The following KCND3 variants were observed in gnomAD, a reference collection of about 807,000 sequenced individuals.
KCND3 encodes the protein A-type voltage-gated potassium channel KCND3.
A neutral mutation model predicts 51.1 loss-of-function variants in KCND3; 9 were observed. The observed-to-expected ratio is 0.18, with a 90% CI of 0.11 to 0.31. The LOEUF is 0.31. Among genes scored for constraint, KCND3 ranks in the 10% least tolerant of loss-of-function variants. KCND3 has a pLI of 1.00. For synonymous variants in KCND3, 349 were observed against 368.0 expected (o/e 0.95, Z 0.59); for missense variants, 526 against 903.8 (o/e 0.58, Z 5.36).
At chr1:111,964,999 C>A (rs1246433547) in intron 2 of KCND3, among the ~76,000 whole-genome samples, 1 of 152,124 alleles carries the variant, frequency 6.6e-6, no homozygotes, top group Non-Finnish European at 1.5e-5. Flanking sequence ...GTTTGTTGAG[C>A]GGATAAAGGA....
At chr1:111,909,568 G>A (rs939719035) in intron 2 of KCND3, 1 of 152,208 alleles carries the variant, frequency 6.6e-6, no homozygotes, top group South Asian at 2.1e-4. Context: ...GGATATATGG[G>A]AGTTAGTTCT....
At chr1:111,988,624 C>G (rs1248010338) in intron 1 of KCND3, 1 of 152,210 alleles carries the variant, frequency 6.6e-6, no homozygotes. Context: ...GTAAACAAGG[C>G]ATACATTTGA....
intron 5 of KCND3, among the ~76,000 whole-genome samples, chr1:111,779,759 C>G (rs927344989): frequency 1.3e-5 from 2 of 152,184 alleles, no homozygotes; most frequent in Admixed American, 1.3e-4. Flanking sequence ...CATGCACTAC[C>G]TCCTTCACAC....
intron 2 of KCND3, among the ~76,000 whole-genome samples, chr1:111,795,004 A>G (rs1557941188): frequency 6.6e-6 from 1 of 152,198 alleles, no homozygotes; most frequent in African/African-American, 2.4e-5. Context: ...GGGAGCCAAC[A>G]TGGAAGGCAG....
At chr1:111,838,580 C>T (rs1667179266) in intron 2 of KCND3, among the ~76,000 whole-genome samples, 1 of 152,038 alleles carries the variant, frequency 6.6e-6, no homozygotes, top group African/African-American at 2.4e-5. Context: ...TGGCTTGAAC[C>T]TGGGAGGCGG....
chr1:111,951,157 C>CAAAAAAAAAAA (rs71081206), intron 2 of KCND3, among the ~76,000 whole-genome samples: 4 of 30,638 alleles, frequency 1.3e-4, no homozygotes, highest in Non-Finnish European at 3.2e-4. Flanking sequence ...CAAACAAGAG[C>CAAAAAAAAAAA]AAAAAAAAAA....
chr1:111,827,220 A>G (rs182393544), intron 2 of KCND3, among the ~76,000 whole-genome samples: 10 of 152,366 alleles, frequency 6.6e-5, no homozygotes, highest in African/African-American at 2.2e-4. Flanking sequence ...GTATGTTGCT[A>G]TGAGAACAGA....
chr1:111,972,594 T>A (rs1196872485), intron 2 of KCND3, among the ~76,000 whole-genome samples: 1 of 152,246 alleles, frequency 6.6e-6, no homozygotes, highest in Non-Finnish European at 1.5e-5. Context: ...TCACCATTGT[T>A]GGTCTAGCTA....
intron 2 of KCND3, among the ~76,000 whole-genome samples, chr1:111,967,057 T>C (rs1469552612): frequency 6.6e-6 from 1 of 151,430 alleles, no homozygotes; most frequent in Non-Finnish European, 1.5e-5. Context: ...GGAGAATCGC[T>C]TGAGCCCAGG....
chr1:111,928,219 G>A (rs751767230), intron 2 of KCND3, among the ~76,000 whole-genome samples: 14 of 152,116 alleles, frequency 9.2e-5, no homozygotes, highest in Non-Finnish European at 1.9e-4. Flanking sequence ...AGTGTCTGTC[G>A]CATAGGAGCT....
At chr1:111,965,486 A>ACACACACACACACACACACACACACACC (rs1239593623) in intron 2 of KCND3, among the ~76,000 whole-genome samples, 1 of 147,920 alleles carries the variant, frequency 6.8e-6, no homozygotes, top group Non-Finnish European at 1.5e-5. Flanking sequence ...ACACACACAC[A>ACACACACACACACACACACACACACACC]CACGCCAGGA....
At position 111,982,757 on chromosome 1, in the gene KCND3, G is replaced by C; in HGVS notation, c.-31C>G. Reference sequence around the variant, plus strand: ...CTCCAGCTCTTGGGCCGGCAGCCGCGCGGACGCTAGGCACACCAGCTTGGA... The same window carrying C: ...CTCCAGCTCTTGGGCCGGCAGCCGCCCGGACGCTAGGCACACCAGCTTGGA... On this transcript the variant is annotated 5_prime_UTR_variant, in exon 2 of 8. Transcript: ENST00000302127. This position sits in a 1 kb window ranked among gnomAD's most constrained non-coding sequence, Gnocchi z 8.5. 1 of 1,583,602 alleles carries C rather than the reference G, an allele frequency of 6.3e-7. No homozygotes were observed. The highest frequency in any genetic ancestry group is 8.5e-7 in the Non-Finnish European group (1 of 1,171,938).
Position 111,777,174 on chromosome 1 carries a change from G to A in KCND3, c.1618C>T (p.Pro540Ser). 2 of 1,614,172 alleles carry A rather than the reference G, an allele frequency of 1.2e-6. No individual in the cohort carries two copies. Among genetic ancestry groups the A allele is most frequent in the Non-Finnish European group, 1.7e-6 (2 of 1,180,030 alleles). ...GAGCAGCAGGTGGTAGTGAGGCCTG[G>A]GTGGCTGGACAGTGAGGGACTTCTT... is the stretch of plus-strand genomic sequence containing the variant. ...STRSPSLSSH[P>S]GLTTTCCSRR... Residue 540 changes from proline (P) to serine (S), a missense_variant, in exon 7 of 8, where the codon CCA becomes TCA. By Grantham distance (74) the Pro-to-Ser change is moderately conservative. Around this residue, in one of 5 missense-constraint regions of KCND3, gnomAD observed 266 missense variants for 305.5 expected, o/e 0.87. Coordinates refer to ENST00000302127, the MANE Select transcript of KCND3 (RefSeq NM_001378969.1).
chr1:111,861,101 C>T (rs962787504), intron 2 of KCND3, among the ~76,000 whole-genome samples: 3 of 152,108 alleles, frequency 2.0e-5, no homozygotes, highest in African/African-American at 7.2e-5. Context: ...GTCAACTCAC[C>T]AGTTCTCAGG....
At chr1:111,970,117 A>G (rs1674247244) in intron 2 of KCND3, among the ~76,000 whole-genome samples, 1 of 151,946 alleles carries the variant, frequency 6.6e-6, no homozygotes, top group South Asian at 2.1e-4. Context: ...CCCAGGTTCA[A>G]GAGATTCTCC....
intron 2 of KCND3, among the ~76,000 whole-genome samples, chr1:111,917,970 G>T (rs1219193582): frequency 1.3e-5 from 2 of 152,230 alleles, no homozygotes; most frequent in Non-Finnish European, 2.9e-5. Context: ...GGGGATCCAG[G>T]ATCCTGAGGA....
chr1:111,847,536 G>A (rs1667610569), intron 2 of KCND3, among the ~76,000 whole-genome samples: 1 of 152,184 alleles, frequency 6.6e-6, no homozygotes, highest in Non-Finnish European at 1.5e-5. Context: ...TTCAACAACA[G>A]TGAAGCCGTG....
chr1:111,807,670 C>T (rs754099185), intron 2 of KCND3, among the ~76,000 whole-genome samples: 1 of 151,394 alleles, frequency 6.6e-6, no homozygotes, highest in Non-Finnish European at 1.5e-5. Flanking sequence ...AGCAAGACTC[C>T]GTCTCAAAAA....
chr1:111,821,396 G>A (rs1044311331), intron 2 of KCND3, among the ~76,000 whole-genome samples: 3 of 152,184 alleles, frequency 2.0e-5, no homozygotes, highest in African/African-American at 7.2e-5. Context: ...GTCTTCTGAT[G>A]TGAGTCAGCC....
Sources: gnomAD v4.1 joint callset for allele counts (sites outside exome capture counted in the v4.1 genomes callset) on GRCh38, gnomAD v4.1.1 for gene constraint, gnomAD v4.1.1 regional missense constraint, Gnocchi (gnomAD v3.1) non-coding constraint, MANE v1.5 for transcripts, NCBI Gene and HGNC (gene_info 2026-07-23, HGNC 2026-07-21) for gene names.